The following PTK2 variants were observed in gnomAD, a reference collection of about 807,000 sequenced individuals.
PTK2 encodes the protein protein tyrosine kinase 2, also known as focal adhesion kinase 1.
Under a neutral mutation model 150.1 loss-of-function variants are expected in PTK2, and 45 were observed. The ratio of observed to expected loss-of-function variants is 0.30; its 90% CI spans 0.24 to 0.38. The LOEUF is 0.38. Among genes scored for constraint, PTK2 ranks in the 10% least tolerant of loss-of-function variants. The probability of loss-of-function intolerance (pLI) is 1.00; values close to 1 mark genes in which losing one functional copy is unlikely to be tolerated. For synonymous variants in PTK2, 432 were observed against 449.2 expected, an observed-to-expected ratio of 0.96 and a Z score of 0.48; for missense variants, 919 against 1,307.3, an observed-to-expected ratio of 0.70 and a Z score of 4.58.
At chr8:140,784,041 T>TA (rs2100083402) in intron 14 of PTK2, among the ~76,000 whole-genome samples, 1 of 152,148 alleles carries the variant, frequency 6.6e-6, no homozygotes, top group Non-Finnish European at 1.5e-5. Context: ...TGCACAACTG[T>TA]AGTCCCACCT....
chr8:140,723,813 G>A (rs1168207974), intron 22 of PTK2, among the ~76,000 whole-genome samples: 1 of 152,206 alleles, frequency 6.6e-6, no homozygotes, highest in Non-Finnish European at 1.5e-5. Flanking sequence ...GTGCACCACT[G>A]AGGAACAGAA....
At chr8:140,917,477 T>C (rs1014814686) in intron 2 of PTK2, among the ~76,000 whole-genome samples, 9 of 152,122 alleles carry the variant, frequency 5.9e-5, no homozygotes, top group Admixed American at 2.0e-4. Context: ...GAGTGCTATG[T>C]TAAACCCTGG....
intron 14 of PTK2, among the ~76,000 whole-genome samples, chr8:140,774,759 C>T (rs1344659190): frequency 6.6e-6 from 1 of 152,164 alleles, no homozygotes; most frequent in Non-Finnish European, 1.5e-5. Context: ...CAAAAGTGAC[C>T]TCCAGTCATC....
intron 1 of PTK2, among the ~76,000 whole-genome samples, chr8:140,931,558 C>T (rs1477601969): frequency 6.6e-6 from 1 of 151,826 alleles, no homozygotes; most frequent in Non-Finnish European, 1.5e-5. Context: ...AGAACAAGAC[C>T]TTGTGGTTTT....
intron 7 of PTK2, among the ~76,000 whole-genome samples, chr8:140,839,088 G>A (rs1256295027): frequency 6.6e-6 from 1 of 152,016 alleles, no homozygotes; most frequent in Middle Eastern, 3.2e-3. Flanking sequence ...AATGAAGAAT[G>A]TTTAGGCAAC....
chr8:140,793,282 A>G (rs2100089606), intron 13 of PTK2, 72 bp downstream of exon 13: 1 of 1,502,042 alleles, frequency 6.7e-7, no homozygotes, highest in Non-Finnish European at 9.1e-7. Flanking sequence ...AGGAAAATGA[A>G]TAATAAAGCA....
chr8:140,777,263 G>A (rs1276396800), intron 14 of PTK2, among the ~76,000 whole-genome samples: 2 of 152,144 alleles, frequency 1.3e-5, no homozygotes, highest in East Asian at 1.9e-4. Context: ...CATCTTTTTG[G>A]CTTCTGGGGA....
chr8:140,981,506 T>C (rs1397682054), intron 1 of PTK2, among the ~76,000 whole-genome samples: 1 of 152,140 alleles, frequency 6.6e-6, no homozygotes, highest in Non-Finnish European at 1.5e-5. Context: ...CCTAGGAGTT[T>C]GCTTTGTTAT....
chr8:140,753,689 C>T (rs1380336775), intron 16 of PTK2, among the ~76,000 whole-genome samples: 1 of 152,176 alleles, frequency 6.6e-6, no homozygotes, highest in Non-Finnish European at 1.5e-5. Flanking sequence ...TTACTATTGT[C>T]TTTCACATTA....
Position 140,890,582 on chromosome 8 carries a change from C to T in PTK2, c.156G>A (p.Trp52Ter). The stretch of plus-strand genomic sequence containing the variant: ...CATCTCCATGCCTGATAATACTGGC[C>T]CAGGTGGTTGGCTCACTATTGCTTT... Residue 52 changes from tryptophan to a stop codon, truncating the protein, a stop_gained, in exon 3 of 32, where the codon TGG (tryptophan) becomes TGA (stop). Transcript: ENST00000522684. LOFTEE classifies it high-confidence loss of function. The T allele has an allele frequency of 6.2e-7, 1 of 1,614,000 alleles. No individual in the cohort carries two copies. The highest frequency in any genetic ancestry group is 8.5e-7 in the Non-Finnish European group (1 of 1,179,998).
intron 27 of PTK2, among the ~76,000 whole-genome samples, chr8:140,683,585 G>A (rs888384362): frequency 4.6e-5 from 7 of 151,976 alleles, no homozygotes; most frequent in Admixed American, 4.6e-4. Context: ...GATGAACATA[G>A]ATACAAAATT....
chr8:140,882,949 T>C (rs28715372), intron 3 of PTK2, among the ~76,000 whole-genome samples: 3,647 of 152,288 alleles, frequency 0.024, 155 homozygotes, highest in African/African-American at 0.084. Context: ...AATCTTATGA[T>C]GATCAATTTA....
intron 17 of PTK2, 101 bp from the exon 21 acceptor site, chr8:140,746,961 A>C (rs2100059256): frequency 2.8e-6 from 2 of 725,262 alleles, no homozygotes; most frequent in Non-Finnish European, 2.2e-6. Context: ...TACAATCTCG[A>C]CTCATTGCAA....
chr8:140,905,534 A>C (rs2100160523), intron 2 of PTK2, among the ~76,000 whole-genome samples: 1 of 152,202 alleles, frequency 6.6e-6, no homozygotes, highest in South Asian at 2.1e-4. Flanking sequence ...TAAAGTTCTT[A>C]GAGACCTACA....
intron 16 of PTK2, among the ~76,000 whole-genome samples, chr8:140,757,763 G>C (rs1479621793): frequency 2.6e-5 from 4 of 152,138 alleles, no homozygotes; most frequent in Non-Finnish European, 5.9e-5. Context: ...TCTTGAGCAA[G>C]CATGTCATGT....
At chr8:140,691,466 A>G (rs747265843) in intron 26 of PTK2, among the ~76,000 whole-genome samples, 5 of 152,230 alleles carry the variant, frequency 3.3e-5, no homozygotes, top group Non-Finnish European at 7.3e-5. Context: ...AAAATACTGT[A>G]TAATATATTG....
intron 3 of PTK2, among the ~76,000 whole-genome samples, chr8:140,880,688 T>C (rs1227911597): frequency 6.6e-6 from 1 of 152,220 alleles, no homozygotes; most frequent in Non-Finnish European, 1.5e-5. Context: ...CCTGCACTCA[T>C]CAAGTATTGC....
chr8:140,699,912 C>T (rs1190604438), intron 26 of PTK2, among the ~76,000 whole-genome samples: 1 of 151,860 alleles, frequency 6.6e-6, no homozygotes, highest in Non-Finnish European at 1.5e-5. Context: ...ATGGACAGGT[C>T]CACATTCCTC....
chr8:140,943,286 T>C (rs2100176491), intron 1 of PTK2, among the ~76,000 whole-genome samples: 4 of 152,208 alleles, frequency 2.6e-5, no homozygotes, highest in Admixed American at 2.0e-4. Context: ...ACTGATTTTA[T>C]TTCTGTTCTT....
Sources: allele counts gnomAD v4.1 joint callset (sites outside exome capture counted in the v4.1 genomes callset), GRCh38; gene constraint gnomAD v4.1.1; transcripts MANE v1.5; gene names NCBI Gene and HGNC (gene_info 2026-07-23, HGNC 2026-07-21).